TBC1D30: variants seen among roughly 807,000 people sequenced by gnomAD.
TBC1D30 encodes the protein TBC1 domain family member 30.
Under a neutral mutation model 63.2 loss-of-function variants are expected in TBC1D30, and 31 were observed. The ratio of observed to expected loss-of-function variants is 0.49; its 90% CI spans 0.37 to 0.66. The LOEUF is 0.66. Ranked by LOEUF, TBC1D30 falls within the 30% of genes least tolerant of loss-of-function variation. The pLI, the probability that TBC1D30 is intolerant of heterozygous loss-of-function variation, is 0.00. For missense variants in TBC1D30, 810 were observed against 953.6 expected (o/e 0.85, Z 1.98); for synonymous variants, 307 against 361.5 (o/e 0.85, Z 1.71).
chr12:64,839,878 A>G (rs1190895656), intron 7 of TBC1D30, among the ~76,000 whole-genome samples: 3 of 151,732 alleles, frequency 2.0e-5, no homozygotes, highest in Non-Finnish European at 4.4e-5. Context: ...AGTGGTGGGC[A>G]CCTGTATTCC....
At chr12:64,770,587 G>A (rs1288657482) in intron 1 of TBC1D30, among the ~76,000 whole-genome samples, 1 of 152,184 alleles carries the variant, frequency 6.6e-6, no homozygotes, top group Non-Finnish European at 1.5e-5. Flanking sequence ...GTGCACGTGT[G>A]ACAACTGCAT....
chr12:64,796,468 T>C (rs1282082688), intron 2 of TBC1D30, among the ~76,000 whole-genome samples: 1 of 152,162 alleles, frequency 6.6e-6, no homozygotes, highest in South Asian at 2.1e-4. Context: ...AGAAGTATTA[T>C]ACTATTTATG....
intron 2 of TBC1D30, among the ~76,000 whole-genome samples, chr12:64,814,538 T>C (rs1873410219): frequency 6.6e-6 from 1 of 152,230 alleles, no homozygotes; most frequent in African/African-American, 2.4e-5. Flanking sequence ...AGGTTTAAAA[T>C]CTAGTGAAAC....
chr12:64,881,024 A>T lies in TBC1D30; in HGVS notation c.*5236A>T, dbSNP rs924616530. On this transcript the variant is annotated 3_prime_UTR_variant, in exon 12 of 12. Transcript: ENST00000539867. Reference sequence around the variant, plus strand: ...TAAAACATGAAACAAAGCAAAAAATAAAAAAAAACCTCCTTAGTAATTGTT... The same window carrying T: ...TAAAACATGAAACAAAGCAAAAAATTAAAAAAAACCTCCTTAGTAATTGTT... 6.6e-6 allele frequency: 1 copy of T among 150,862 alleles called. No homozygotes were observed. The highest frequency in any genetic ancestry group is 1.5e-5 in the Non-Finnish European group (1 of 67,864). The allele number at this position is 150,862 out of a possible 1,614,324, so 9.3% of individuals were successfully genotyped here.
chr12:64,801,524 A>AT (rs1872583569), intron 2 of TBC1D30, among the ~76,000 whole-genome samples: 1 of 152,152 alleles, frequency 6.6e-6, no homozygotes, highest in South Asian at 2.1e-4. Flanking sequence ...ACATGGAGGA[A>AT]TTTTATGGAA....
chr12:64,761,456 G>C (rs567484055), intron 1 of TBC1D30, among the ~76,000 whole-genome samples: 1 of 152,108 alleles, frequency 6.6e-6, no homozygotes, highest in African/African-American at 2.4e-5. Context: ...CACAGGATGA[G>C]ATAGGAGGTC....
intron 1 of TBC1D30, among the ~76,000 whole-genome samples, chr12:64,785,244 C>T (rs1429822312): frequency 5.3e-5 from 8 of 151,122 alleles, no homozygotes; most frequent in Non-Finnish European, 7.4e-5. Context: ...CTCCTCCTCT[C>T]GGGTTCAAGC....
At chr12:64,765,154 T>G (rs1870659098) in intron 1 of TBC1D30, among the ~76,000 whole-genome samples, 1 of 152,174 alleles carries the variant, frequency 6.6e-6, no homozygotes, top group Non-Finnish European at 1.5e-5. Flanking sequence ...GAAACCTAGA[T>G]ATTCAACAAT....
At chr12:64,801,217 G>A (rs1872569177) in intron 2 of TBC1D30, among the ~76,000 whole-genome samples, 1 of 152,158 alleles carries the variant, frequency 6.6e-6, no homozygotes, top group South Asian at 2.1e-4. Context: ...CTTTTTCTCA[G>A]CATCTGTTAC....
At chr12:64,799,520 T>C (rs1025500111) in intron 2 of TBC1D30, among the ~76,000 whole-genome samples, 4 of 152,222 alleles carry the variant, frequency 2.6e-5, no homozygotes, top group African/African-American at 9.6e-5. Flanking sequence ...TTTTCACTTA[T>C]AAAAGAAATT....
intron 6 of TBC1D30, 93 bp from the exon 7 acceptor site, chr12:64,838,590 A>C: frequency 7.9e-7 from 1 of 1,260,152 alleles, no homozygotes; most frequent in Non-Finnish European, 1.1e-6. Context: ...AAATACAACA[A>C]ATTTGAGTGG....
At chr12:64,843,289 C>T in intron 7 of TBC1D30, 91 bp from the exon 8 acceptor site, 1 of 1,158,382 alleles carries the variant, frequency 8.6e-7, no homozygotes, top group East Asian at 2.6e-5. Flanking sequence ...GCCACCATGC[C>T]CAGTCCAACA....
At chr12:64,828,271 G>A (rs1874540975) in intron 2 of TBC1D30, among the ~76,000 whole-genome samples, 173 bp from the exon 3 acceptor site, 1 of 152,222 alleles carries the variant, frequency 6.6e-6, no homozygotes, top group South Asian at 2.1e-4. Flanking sequence ...GTGGGACGTG[G>A]CACAGTAATA....
intron 5 of TBC1D30, 122 bp from the exon 6 acceptor site, chr12:64,836,367 AT>A: frequency 1.4e-6 from 1 of 724,808 alleles, no homozygotes; most frequent in Non-Finnish European, 2.2e-6. Flanking sequence ...GTACTGATGC[AT>A]TTAAGGATAG....
upstream of TBC1D30, among the ~76,000 whole-genome samples, chr12:64,778,303 G>A (rs1438049324): frequency 2.0e-5 from 3 of 152,116 alleles, no homozygotes; most frequent in African/African-American, 7.2e-5. Context: ...GTTACAATGT[G>A]CCAGGGATTG....
intron 5 of TBC1D30, among the ~76,000 whole-genome samples, chr12:64,835,909 T>A (rs1479938917): frequency 6.6e-6 from 1 of 152,146 alleles, no homozygotes; most frequent in Non-Finnish European, 1.5e-5. Context: ...AGAACCTCTA[T>A]AACAACCTTA....
chr12:64,766,187 A>G (rs1033427859), intron 1 of TBC1D30, among the ~76,000 whole-genome samples: 6 of 152,212 alleles, frequency 3.9e-5, no homozygotes, highest in Non-Finnish European at 5.9e-5. Flanking sequence ...AATAAAAATG[A>G]GCAGGGCCCT....
At chr12:64,838,910 G>A in intron 7 of TBC1D30, 59 bp downstream of exon 7, 1 of 1,424,404 alleles carries the variant, frequency 7.0e-7, no homozygotes, top group Non-Finnish European at 9.4e-7. Context: ...AGCAGTTTTT[G>A]TGCTCTAACG....
intron 2 of TBC1D30, among the ~76,000 whole-genome samples, chr12:64,786,417 C>T (rs937152810): frequency 2.6e-5 from 4 of 152,010 alleles, no homozygotes; most frequent in Non-Finnish European, 4.4e-5. Context: ...ATACAACCTC[C>T]GCCTCCCAGG....
Sources: gnomAD v4.1 joint callset for allele counts (sites outside exome capture counted in the v4.1 genomes callset) on GRCh38, gnomAD v4.1.1 for gene constraint, MANE v1.5 for transcripts, NCBI Gene and HGNC (gene_info 2026-07-23, HGNC 2026-07-21) for gene names.